The following OGFOD2 variants were observed in gnomAD, a reference collection of about 807,000 sequenced individuals.
The protein encoded by OGFOD2 is 2-oxoglutarate and iron-dependent oxygenase domain-containing protein 2.
In OGFOD2, 34 loss-of-function variants were observed where a neutral mutation model predicts 31.1. The ratio of observed to expected loss-of-function variants is 1.09; its 90% CI spans 0.83 to 1.45. OGFOD2 has a LOEUF of 1.45. Among genes scored for constraint, OGFOD2 ranks in the 40% most tolerant of loss-of-function variants. The pLI is 0.00. For missense variants in OGFOD2, 537 were observed against 433.9 expected (o/e 1.24, Z -2.11); for synonymous variants, 240 against 192.3 (o/e 1.25, Z -2.05).
At chr12:122,976,100 TG>T in intron 2 of OGFOD2, 1 of 595,638 alleles carries the variant, frequency 1.7e-6, no homozygotes, top group African/African-American at 1.9e-5. Context: ...AACAGCTCTG[TG>T]AGATAAGCAC....
At chr12:122,975,369 C>T in exon 1 of OGFOD2, 1 of 700,424 alleles carries the variant, frequency 1.4e-6, no homozygotes, top group South Asian at 1.5e-5. Flanking sequence ...GCAGCTGCGC[C>T]GGGACTACGG....
At chr12:122,979,698 G>A (rs563172345) in exon 7 of OGFOD2, 8 of 287,194 alleles carry the variant, frequency 2.8e-5, no homozygotes, top group Non-Finnish European at 4.6e-5. Context: ...GGATGAGGGG[G>A]CCAGAGAGGA....
At chr12:122,978,359 G>C in intron 4 of OGFOD2, 83 bp from the exon 5 acceptor site, 1 of 1,559,136 alleles carries the variant, frequency 6.4e-7, no homozygotes, top group African/African-American at 1.4e-5. Context: ...CCATGGCACA[G>C]GTGATGAAAC....
chr12:122,979,436 G>A, exon 7 of OGFOD2: 18 of 1,425,552 alleles, frequency 1.3e-5, no homozygotes, highest in South Asian at 6.9e-5. Flanking sequence ...GCAGCCTACT[G>A]CACTTCTTGG....
chr12:122,976,333 C>G (rs2037429916), intron 2 of OGFOD2: 2 of 1,605,362 alleles, frequency 1.2e-6, no homozygotes, highest in Admixed American at 1.7e-5. Context: ...GGAGAGTCCT[C>G]AGCAACCTCT....
At chr12:122,978,793 C>T in exon 6 of OGFOD2, 1 of 1,612,068 alleles carries the variant, frequency 6.2e-7, no homozygotes, top group Non-Finnish European at 8.5e-7. Flanking sequence ...CCGCTGATGA[C>T]ACCACTGCGG....
chr12:122,975,219 T>C, upstream of OGFOD2: 2 of 602,046 alleles, frequency 3.3e-6, no homozygotes, highest in South Asian at 3.5e-5. Context: ...GAAGTCTCTC[T>C]ACGGAAGCTG....
intron 4 of OGFOD2, 49 bp from the exon 5 acceptor site, chr12:122,978,393 G>A: frequency 6.2e-7 from 1 of 1,603,782 alleles, no homozygotes; most frequent in Non-Finnish European, 8.5e-7. Context: ...CCCAGGCCTG[G>A]CCGGCCCACG....
chr12:122,978,858 C>T (rs749515045), exon 6 of OGFOD2: 16 of 1,610,876 alleles, frequency 9.9e-6, no homozygotes, highest in Middle Eastern at 1.7e-4. Context: ...TGGCGGGGGC[C>T]GGCTCGACAG....
intron 4 of OGFOD2, chr12:122,977,657 G>C (rs976511616): frequency 6.4e-6 from 1 of 156,976 alleles, no homozygotes; most frequent in Non-Finnish European, 1.4e-5. Flanking sequence ...CGTAGTGTTT[G>C]GAAAGTGTTT....
exon 7 of OGFOD2, chr12:122,979,484 A>G (rs2037551847): frequency 9.1e-7 from 1 of 1,101,146 alleles, no homozygotes; most frequent in East Asian, 2.6e-5. Flanking sequence ...TTCTATGGGC[A>G]AAGATGCTGC....
At chr12:122,979,007 C>T in exon 6 of OGFOD2, 1 of 1,612,578 alleles carries the variant, frequency 6.2e-7, no homozygotes, top group Non-Finnish European at 8.5e-7. Context: ...GGGGCCTCTT[C>T]CAGGTGAGTG....
chr12:122,976,892 T>C lies in OGFOD2; in HGVS notation c.325T>C (p.Phe109Leu), dbSNP rs373328961. Residue 109 changes from phenylalanine (F) to leucine (L), a missense_variant, in exon 4 of 7, where the codon TTC becomes CTC. By Grantham distance (22) the Phe-to-Leu change is conservative. Transcript: ENST00000228922. ...CCAGGATGCAGCTCTGGCCCCCGAG[T>C]TCCTGGCCGTGACTGAGTACAGCGT... 8 of 1,608,298 alleles carry C rather than the reference T, an allele frequency of 5.0e-6. No homozygotes were observed. In the African/African-American group the frequency reaches 1.1e-4, roughly 21 times the overall value.
upstream of OGFOD2, chr12:122,975,150 GA>G (rs2037371166): frequency 2.0e-6 from 1 of 498,514 alleles, no homozygotes; most frequent in African/African-American, 1.9e-5. Flanking sequence ...CCGCCCTTGG[GA>G]ACTTAGAGCG....
At chr12:122,976,596 T>G (rs774552612) in intron 2 of OGFOD2, 58 bp from the exon 3 acceptor site, 1 of 1,360,540 alleles carries the variant, frequency 7.4e-7, no homozygotes, top group South Asian at 1.2e-5. Flanking sequence ...TCTTCATCTG[T>G]ACAGTGGCCT....
At chr12:122,977,232 C>A in intron 4 of OGFOD2, 1 of 492,480 alleles carries the variant, frequency 2.0e-6, no homozygotes, top group Non-Finnish European at 3.8e-6. Flanking sequence ...ATATTTGTGT[C>A]ATGTGTGGGA....
At chr12:122,979,753 C>A in exon 7 of OGFOD2, 1 of 216,352 alleles carries the variant, frequency 4.6e-6, no homozygotes, top group Admixed American at 5.2e-5. Flanking sequence ...GGGTGCCTTC[C>A]AGTAGCCAAG....
rs184336805 is a variant in OGFOD2 at position 122,977,260 on chromosome 12, C to T, written c.403+290C>T. The T allele has an allele frequency of 2.3e-5, 10 of 430,160 alleles. 1 individual carries two copies. The East Asian group carries it at 4.8e-4, about 21-fold the overall frequency. The allele number at this position is 430,160 out of a possible 1,614,324, so 26.6% of individuals were successfully genotyped here. On this transcript the variant is annotated intron_variant, in intron 4 of 6. Coordinates refer to ENST00000228922, the Ensembl canonical transcript of OGFOD2. ...GTGTGGGACAGCTGGCACACTCAAACAGGGCTGATCCAAGATCTTAAAGGG... is the reference window on the plus strand; with the variant it reads ...GTGTGGGACAGCTGGCACACTCAAATAGGGCTGATCCAAGATCTTAAAGGG...
chr12:122,978,642 T>C (rs1288297044), intron 5 of OGFOD2, 73 bp downstream of exon 5: 1 of 1,593,320 alleles, frequency 6.3e-7, no homozygotes, highest in Non-Finnish European at 8.6e-7. Context: ...GTTCTGCAGA[T>C]GGGCTGCCTG....
Sources: gnomAD v4.1 joint callset for allele counts on GRCh38, gnomAD v4.1.1 for gene constraint, MANE v1.5 for transcripts, NCBI Gene and HGNC (gene_info 2026-07-23, HGNC 2026-07-21) for gene names.